The following AP4S1 variants were observed in gnomAD, a reference collection of about 807,000 sequenced individuals.
AP4S1 encodes the protein AP-4 complex subunit sigma-1.
A neutral mutation model predicts 19.8 loss-of-function variants in AP4S1; 23 were observed. That is an observed-to-expected ratio of 1.16 (90% confidence interval 0.84 to 1.65). The LOEUF is 1.65. Ranked by LOEUF, AP4S1 falls within the 40% of genes most tolerant of loss-of-function variation. The pLI, the probability that AP4S1 is intolerant of heterozygous loss-of-function variation, is 0.00. For missense variants in AP4S1, 166 were observed against 172.8 expected, an observed-to-expected ratio of 0.96 and a Z score of 0.22; for synonymous variants, 46 against 54.1, an observed-to-expected ratio of 0.85 and a Z score of 0.66.
intron 1 of AP4S1, among the ~76,000 whole-genome samples, chr14:31,058,744 T>C (rs946490965): frequency 6.6e-6 from 1 of 151,242 alleles, no homozygotes. Context: ...TTTTTTTTTT[T>C]CCTTTTTTTT....
intron 5 of AP4S1, among the ~76,000 whole-genome samples, chr14:31,090,507 G>A (rs961605644): frequency 2.6e-4 from 39 of 152,226 alleles, no homozygotes; most frequent in African/African-American, 8.2e-4. Flanking sequence ...CAAGTTGCCT[G>A]AGGATCTTTA....
At chr14:31,092,169 T>C (rs1486386089) in intron 5 of AP4S1, among the ~76,000 whole-genome samples, 1 of 152,244 alleles carries the variant, frequency 6.6e-6, no homozygotes, top group African/African-American at 2.4e-5. Context: ...TAAGAGATAC[T>C]GTCTTGAAAT....
chr14:31,065,644 TTTTTA>T (rs1566531943), intron 1 of AP4S1, among the ~76,000 whole-genome samples: 1 of 152,156 alleles, frequency 6.6e-6, no homozygotes, highest in Non-Finnish European at 1.5e-5. Flanking sequence ...GGTTTTTATT[TTTTTA>T]TTTTATTTTA....
At chr14:31,076,736 C>T (rs1360845079) in intron 4 of AP4S1, among the ~76,000 whole-genome samples, 1 of 152,114 alleles carries the variant, frequency 6.6e-6, no homozygotes, top group Non-Finnish European at 1.5e-5. Context: ...TGGCCTCTCA[C>T]TTTTGTTCCA....
At chr14:31,041,487 C>T (rs1885109380) in intron 1 of AP4S1, among the ~76,000 whole-genome samples, 1 of 152,146 alleles carries the variant, frequency 6.6e-6, no homozygotes, top group African/African-American at 2.4e-5. Flanking sequence ...AAACTTGATT[C>T]ACCATTTATT....
intron 1 of AP4S1, among the ~76,000 whole-genome samples, chr14:31,056,458 G>A (rs12884130): frequency 0.89 from 136,052 of 152,058 alleles, 60,992 homozygotes; most frequent in South Asian, 0.93. Flanking sequence ...TCCTGGGTTC[G>A]GGCGATTCTC....
chr14:31,031,482 A>T (rs528114608), intron 1 of AP4S1, among the ~76,000 whole-genome samples: 1 of 152,334 alleles, frequency 6.6e-6, no homozygotes, highest in Non-Finnish European at 1.5e-5. Context: ...TCGTCACGTC[A>T]ATCATTTTTG....
At chr14:31,055,947 G>A (rs1168270785) in intron 1 of AP4S1, among the ~76,000 whole-genome samples, 1 of 150,766 alleles carries the variant, frequency 6.6e-6, no homozygotes, top group Non-Finnish European at 1.5e-5. Flanking sequence ...GGGTTCAAGC[G>A]ATTCCCCTGC....
chr14:31,073,250 G>T, intron 4 of AP4S1: 1 of 363,612 alleles, frequency 2.8e-6, no homozygotes, highest in South Asian at 2.4e-5. Flanking sequence ...CAGCACTTTG[G>T]GAGGCTAAGG....
chr14:31,066,346 G>A lies in AP4S1; in HGVS notation c.138+12G>A. 1.2e-6 allele frequency: 2 copies of A among 1,613,782 alleles called. No homozygotes were observed. The highest frequency in any genetic ancestry group is 2.2e-5 in the East Asian group (1 of 44,818). ...GATCCAATGAACAAGTAAGTCTCTGGTTCTCTCTTTTATCTCTGCATTCAA... is the reference window on the plus strand; with the variant it reads ...GATCCAATGAACAAGTAAGTCTCTGATTCTCTCTTTTATCTCTGCATTCAA... On this transcript the variant is annotated intron_variant, in intron 2 of 5. Transcript: ENST00000542754.
intron 1 of AP4S1, among the ~76,000 whole-genome samples, chr14:31,036,801 G>C (rs982116164): frequency 1.3e-5 from 2 of 151,964 alleles, no homozygotes; most frequent in African/African-American, 4.8e-5. Context: ...TTCTTGTGAT[G>C]CTCTCAAGTC....
intron 1 of AP4S1, among the ~76,000 whole-genome samples, chr14:31,044,736 A>G (rs1336781188): frequency 1.3e-5 from 2 of 150,842 alleles, no homozygotes; most frequent in African/African-American, 4.9e-5. Context: ...TCAAGTGTAT[A>G]TGTTTATTTT....
intron 4 of AP4S1, among the ~76,000 whole-genome samples, chr14:31,079,038 G>A (rs993968370): frequency 1.4e-4 from 22 of 152,148 alleles, no homozygotes; most frequent in African/African-American, 3.6e-4. Flanking sequence ...GCTGAGAGAA[G>A]CATCTCAGCA....
Position 31,069,914 on chromosome 14 carries a change from A to T in AP4S1, c.210A>T (p.Gly70=), listed in dbSNP as rs765484259. 32 of 1,611,466 alleles carry T rather than the reference A, an allele frequency of 2.0e-5. No individual in the cohort carries two copies. Among genetic ancestry groups the T allele is most frequent in the Non-Finnish European group, 2.6e-5 (31 of 1,177,664 alleles). Reference sequence around the variant, plus strand: ...ATGCAGCTCTCTTCATTGTGGTTGGAGTTAATGACACTGAGGTAAGATAAT... The same window carrying T: ...ATGCAGCTCTCTTCATTGTGGTTGGTGTTAATGACACTGAGGTAAGATAAT... ...RQYAALFIVV[G]VNDTENEMAI... is the part of the protein sequence containing the mutation. Residue 70 remains glycine (G), a synonymous_variant, in exon 3 of 6, where the codon GGA becomes GGT. Transcript: ENST00000542754.
chr14:31,039,572 G>A (rs12888248), intron 1 of AP4S1, among the ~76,000 whole-genome samples: 3 of 115,808 alleles, frequency 2.6e-5, no homozygotes, highest in Non-Finnish European at 5.9e-5. Flanking sequence ...GTGTAGTTTT[G>A]TTTTTTTTTT....
intron 1 of AP4S1, among the ~76,000 whole-genome samples, chr14:31,056,814 C>T (rs559856012): frequency 6.6e-6 from 1 of 152,268 alleles, no homozygotes; most frequent in South Asian, 2.1e-4. Context: ...CACAATGTCA[C>T]GTCTATAATC....
intron 1 of AP4S1, chr14:31,026,426 A>T: frequency 3.7e-3 from 58 of 15,720 alleles, no homozygotes; most frequent in Middle Eastern, 0.031. Context: ...CCTCGGCGGG[A>T]GGGGTGGGGG....
At chr14:31,090,504 C>T (rs1330331887) in intron 5 of AP4S1, among the ~76,000 whole-genome samples, 1 of 152,158 alleles carries the variant, frequency 6.6e-6, no homozygotes, top group Non-Finnish European at 1.5e-5. Context: ...AAACAAGTTG[C>T]CTGAGGATCT....
intron 1 of AP4S1, among the ~76,000 whole-genome samples, chr14:31,042,301 G>A (rs1299490587): frequency 6.6e-6 from 1 of 152,212 alleles, no homozygotes; most frequent in Non-Finnish European, 1.5e-5. Context: ...CCAAAGAGTA[G>A]AAGGTAGAAT....
Sources: allele counts gnomAD v4.1 joint callset (sites outside exome capture counted in the v4.1 genomes callset), GRCh38; gene constraint gnomAD v4.1.1; transcripts MANE v1.5; gene names NCBI Gene and HGNC (gene_info 2026-07-23, HGNC 2026-07-21).